OGDHL: variants seen among roughly 807,000 people sequenced by gnomAD.
OGDHL encodes the protein 2-oxoglutarate dehydrogenase-like, mitochondrial.
OGDHL carries 79 observed loss-of-function variants against 109.6 expected under a neutral mutation model. The observed-to-expected ratio is 0.72, with a 90% confidence interval of 0.60 to 0.87. The LOEUF is 0.87. Ranked by LOEUF, OGDHL falls within the 40% of genes least tolerant of loss-of-function variation. The pLI is 0.00. For synonymous variants in OGDHL, 528 were observed against 537.2 expected, an observed-to-expected ratio of 0.98 and a Z score of 0.24; for missense variants, 1,275 against 1,362.2, an observed-to-expected ratio of 0.94 and a Z score of 1.01.
At chr10:49,746,499 C>T (rs1339581921) in intron 10 of OGDHL, among the ~76,000 whole-genome samples, 3 of 152,226 alleles carry the variant, frequency 2.0e-5, no homozygotes, top group African/African-American at 7.2e-5. Context: ...TGGGGCTGCA[C>T]ACGGCCAGCC....
At position 49,747,211 on chromosome 10, in the gene OGDHL, G is replaced by A; in HGVS notation, c.988-3C>T. On this transcript the variant is annotated splice_region_variant and splice_polypyrimidine_tract_variant and intron_variant, in intron 8 of 22. Coordinates refer to ENST00000374103, the MANE Select transcript of OGDHL (RefSeq NM_018245.3). ...TGGTACTTGACATCCCCGGAGCCCT[G>A]AAGGTGGAGATGGGAACATGATGGA... The A allele has an allele frequency of 6.2e-7, 1 of 1,613,690 alleles. No individual in the cohort carries two copies. The highest frequency in any genetic ancestry group is 8.5e-7 in the Non-Finnish European group (1 of 1,179,738).
intron 3 of OGDHL, among the ~76,000 whole-genome samples, chr10:49,755,485 G>T (rs1842863664): frequency 6.6e-6 from 1 of 152,196 alleles, no homozygotes; most frequent in Non-Finnish European, 1.5e-5. Context: ...GGCTGGCCAT[G>T]ATTGATGGGT....
At chr10:49,749,072 G>C (rs1258176) in intron 8 of OGDHL, among the ~76,000 whole-genome samples, 61,143 of 152,080 alleles carry the variant, frequency 0.4, 14,227 homozygotes, top group East Asian at 0.89. Context: ...AGCCGGGCGT[G>C]GTGGCGCATG....
chr10:49,756,688 G>T, intron 3 of OGDHL, 88 bp downstream of exon 3: 1 of 1,300,928 alleles, frequency 7.7e-7, no homozygotes, highest in Non-Finnish European at 1.0e-6. Context: ...GGGAGATGAT[G>T]TTGGAGCTGA....
At position 49,748,742 on chromosome 10, in the gene OGDHL, CCACACACA is replaced by C. The variant is rs3223401; in HGVS notation, c.987+976_987+983del. 1.9e-3 allele frequency among the ~76,000 whole-genome samples: 250 copies of C among 133,948 alleles called. 4 individuals carry two copies. Among genetic ancestry groups the C allele is most frequent in the African/African-American group, 6.8e-3 (236 of 34,924 alleles). 87.9% of individuals were successfully genotyped at this position (133,948 alleles called of 152,430 possible). Reference sequence around the variant, plus strand: ...GGGATAGGAGCCAGTAGGTATGGGTCCACACACACACACACACACACACACACACACAC... The same window carrying C: ...GGGATAGGAGCCAGTAGGTATGGGTCCACACACACACACACACACACACAC... On this transcript the variant is annotated intron_variant, in intron 8 of 22. Transcript: ENST00000374103.
intron 3 of OGDHL, 173 bp downstream of exon 3, chr10:49,756,603 C>G: frequency 1.7e-6 from 1 of 587,698 alleles, no homozygotes; most frequent in Non-Finnish European, 2.8e-6. Context: ...GGTAAGTGCT[C>G]TGAATGGTGA....
chr10:49,758,569 C>T lies in OGDHL; in HGVS notation c.24G>A (p.Pro8=), dbSNP rs115900231. The change falls in exon 2 of 23, where the codon CCG becomes CCA. Residue 8 remains proline, a synonymous_variant. Coordinates refer to ENST00000374103, the MANE Select transcript of OGDHL (RefSeq NM_018245.3). ...TCGCAGCCTGTACCCCAAGACGGGACGGCAGCAGCCTCAGCTGACTCATTC... is the reference window on the plus strand; with the variant it reads ...TCGCAGCCTGTACCCCAAGACGGGATGGCAGCAGCCTCAGCTGACTCATTC... MSQLRLL[P]SRLGVQAARL... The T allele has an allele frequency of 3.1e-5, 50 of 1,613,828 alleles. No individual in the cohort carries two copies. Among genetic ancestry groups the T allele is most frequent in the Middle Eastern group, 1.6e-4 (1 of 6,062 alleles).
rs771753734 is a variant in OGDHL at position 49,736,438 on chromosome 10, C to T, written c.2673G>A (p.Thr891=). ...PEQVQRLIFC[T]GKVYYDLVKE... ...TCACCAGGTCATAGTACACCTTTCCCGTGCAGAAGATGAGCCGCTGCACCT... is the reference window on the plus strand; with the variant it reads ...TCACCAGGTCATAGTACACCTTTCCTGTGCAGAAGATGAGCCGCTGCACCT... Residue 891 remains threonine, a synonymous_variant, in exon 21 of 23, where the codon ACG becomes ACA. Transcript: ENST00000374103. The T allele has an allele frequency of 1.1e-5, 18 of 1,613,994 alleles. 1 individual carries two copies. The highest frequency in any genetic ancestry group is 4.4e-5 in the South Asian group (4 of 91,090).
At chr10:49,745,592 A>AGATATTC in intron 11 of OGDHL, 96 bp from the exon 12 acceptor site, 2 of 1,490,222 alleles carry the variant, frequency 1.3e-6, no homozygotes, top group Non-Finnish European at 1.8e-6. Context: ...GGGCACACCC[A>AGATATTC]CTGGGAGCCC....
intron 7 of OGDHL, among the ~76,000 whole-genome samples, 157 bp downstream of exon 7, chr10:49,750,682 C>T (rs1028874882): frequency 2.0e-4 from 31 of 152,288 alleles, no homozygotes; most frequent in Admixed American, 9.2e-4. Flanking sequence ...ATTTCTGTGA[C>T]GAGCAGGCCA....
rs1422215662 is a variant in OGDHL, at chr10:49,751,118, C to T, written c.750-133G>A. 3 of 849,192 alleles carry T rather than the reference C, an allele frequency of 3.5e-6. No individual in the cohort carries two copies. In the Admixed American group the frequency reaches 8.0e-5, roughly 23 times the overall value. 52.6% of individuals were successfully genotyped at this position (849,192 alleles called of 1,614,324 possible). A position where few individuals can be genotyped will look rare whatever the true frequency, so the allele number is the denominator to read the frequency against. ...AGGAAGTCACAAATCCTCCTTCCAC[C>T]TACATGGTCCAGGGCCCACCATGGA... On this transcript the variant is annotated intron_variant, in intron 6 of 22. Coordinates refer to ENST00000374103, the MANE Select transcript of OGDHL (RefSeq NM_018245.3).
chr10:49,751,998 G>A lies in OGDHL; in HGVS notation c.595-17C>T, dbSNP rs1348304891. ...GTAGGTGTTCTGGGGAGACACATTG[G>A]GACCCCATGAGGAGCGGGGAAGAGG... is the stretch of plus-strand genomic sequence containing the variant. On this transcript the variant is annotated splice_polypyrimidine_tract_variant and intron_variant, in intron 5 of 22. Transcript: ENST00000374103. 1 of 1,613,980 alleles carries A rather than the reference G, an allele frequency of 6.2e-7. No individual in the cohort carries two copies. The highest frequency in any genetic ancestry group is 8.5e-7 in the Non-Finnish European group (1 of 1,179,962).
At chr10:49,761,674 G>A (rs556770669) in intron 1 of OGDHL, among the ~76,000 whole-genome samples, 2 of 152,296 alleles carry the variant, frequency 1.3e-5, no homozygotes, top group African/African-American at 4.8e-5. Flanking sequence ...CTGTGGCCTC[G>A]GGATTACCCC....
At position 49,751,942 on chromosome 10, in the gene OGDHL, T is replaced by C. The variant is rs763604259; in HGVS notation, c.634A>G (p.Ile212Val). 1 of 1,614,172 alleles carries C rather than the reference T, an allele frequency of 6.2e-7. No individual in the cohort carries two copies. The highest frequency in any genetic ancestry group is 1.1e-5 in the South Asian group (1 of 91,082). Residue 212 changes from isoleucine (I) to valine (V), a missense_variant, in exon 6 of 23, where the codon ATC becomes GTC. Transcript: ENST00000374103. ...CQHIGLEFMF[I>V]NDVEQCQWIR... ...CACTGGCACTGCTCCACATCGTTGATGAACATGAACTCCAGGCCAATGTGC... is the reference window on the plus strand; with the variant it reads ...CACTGGCACTGCTCCACATCGTTGACGAACATGAACTCCAGGCCAATGTGC...
At chr10:49,746,623 G>A in intron 10 of OGDHL, 127 bp downstream of exon 10, 2 of 1,251,832 alleles carry the variant, frequency 1.6e-6, no homozygotes, top group Non-Finnish European at 1.1e-6. Context: ...AAAGAGCAGG[G>A]TCCTGCCTGG....
Position 49,745,822 on chromosome 10 carries a change from GA to G in OGDHL, c.1451del (p.Phe484SerfsTer41). On this transcript the variant is annotated frameshift_variant, in exon 11 of 23. Transcript: ENST00000374103. LOFTEE classifies it high-confidence loss of function. ...CSVAAEWRNT[F>X]NKDVVVDLVC... is the part of the protein sequence containing the mutation. ...CCAGGTCCACGACAACATCTTTGTT[GA>G]AAGTGTTTCTCCATTCGGCTGCCAC... 2 of 1,614,144 alleles carry G rather than the reference GA, an allele frequency of 1.2e-6. No individual in the cohort carries two copies. Among genetic ancestry groups the G allele is most frequent in the Non-Finnish European group, 8.5e-7 (1 of 1,180,030 alleles).
chr10:49,736,270 A>C lies in OGDHL; in HGVS notation c.2754+87T>G, dbSNP rs1841165182. 4.4e-6 allele frequency: 7 copies of C among 1,585,822 alleles called. No individual in the cohort carries two copies. In the Admixed American group the frequency reaches 1.2e-4, roughly 27 times the overall value. On this transcript the variant is annotated intron_variant, in intron 21 of 22. Coordinates refer to ENST00000374103, the MANE Select transcript of OGDHL (RefSeq NM_018245.3). ...GAGGCACAGGGCCTCACCGGCCTTC[A>C]TCTGGCCTGCCTGGCACATTGGCCA...
At chr10:49,758,700 A>T in intron 1 of OGDHL, 107 bp from the exon 2 acceptor site, 1 of 1,130,786 alleles carries the variant, frequency 8.8e-7, no homozygotes, top group Non-Finnish European at 1.3e-6. Flanking sequence ...CACTGGGCAG[A>T]TGGTGCTGGG....
chr10:49,739,769 G>A lies in OGDHL; in HGVS notation c.2211C>T (p.Phe737=). ...LVLWEAQFGD[F]HNTAQCIIDQ... Reference sequence around the variant, plus strand: ...CGATGATGCACTGGGCCGTGTTGTGGAAGTCCCCAAACTGGGCCTCCCAGA... The same window carrying A: ...CGATGATGCACTGGGCCGTGTTGTGAAAGTCCCCAAACTGGGCCTCCCAGA... The change falls in exon 17 of 23, where the codon TTC becomes TTT. Residue 737 remains phenylalanine, a synonymous_variant. Coordinates refer to ENST00000374103, the MANE Select transcript of OGDHL (RefSeq NM_018245.3). 1.2e-6 allele frequency: 2 copies of A among 1,614,138 alleles called. No homozygotes were observed. The highest frequency in any genetic ancestry group is 1.7e-5 in the Admixed American group (1 of 60,026).
Sources: gnomAD v4.1 joint callset for allele counts (sites outside exome capture counted in the v4.1 genomes callset) on GRCh38, gnomAD v4.1.1 for gene constraint, MANE v1.5 for transcripts, NCBI Gene and HGNC (gene_info 2026-07-23, HGNC 2026-07-21) for gene names.